Variants in COL27A1 observed in about 807,000 individuals in gnomAD.
COL27A1 encodes collagen alpha-1(XXVII) chain.
COL27A1 carries 106 observed loss-of-function variants against 251.3 expected under a neutral mutation model. The ratio of observed to expected loss-of-function variants is 0.42; its 90% CI spans 0.36 to 0.50. The LOEUF is 0.50. Among genes scored for constraint, COL27A1 ranks in the 20% least tolerant of loss-of-function variants. COL27A1 has a pLI of 0.00. For missense variants in COL27A1, 2,325 were observed against 2,522.8 expected (o/e 0.92, Z 1.68); for synonymous variants, 1,000 against 986.3 (o/e 1.01, Z -0.26).
Position 114,231,836 on chromosome 9 carries a change from C to A in COL27A1, c.2535C>A (p.Ser845Arg), listed in dbSNP as rs751042704. 28 of 1,614,018 alleles carry A rather than the reference C, an allele frequency of 1.7e-5. No homozygotes were observed. The highest frequency in any genetic ancestry group is 1.3e-4 in the South Asian group (12 of 91,082). The change falls in exon 16 of 61, where the codon AGC becomes AGA. Residue 845 changes from serine to arginine, a missense_variant. By Grantham distance (110) the Ser-to-Arg change is moderately radical. This residue lies in a region of COL27A1 where 1,183 missense variants were observed against 1,144.1 expected (regional missense o/e 1.03). Coordinates refer to ENST00000356083, the MANE Select transcript of COL27A1 (RefSeq NM_032888.4). ...GPKGMKGLMG[S>R]VGEPGLKGDK... ...TTGTCTTGCAGGGACTGATGGGCAG[C>A]GTGGGGGAGCCCGGACTGAAAGGTG...
At chr9:114,286,164 G>A (rs1261771150) in intron 41 of COL27A1, among the ~76,000 whole-genome samples, 1 of 152,158 alleles carries the variant, frequency 6.6e-6, no homozygotes, top group Non-Finnish European at 1.5e-5. Flanking sequence ...TCAAAAATAG[G>A]GCGAGTCCCA....
chr9:114,213,576 A>G (rs1456634790), intron 12 of COL27A1, among the ~76,000 whole-genome samples: 1 of 152,220 alleles, frequency 6.6e-6, no homozygotes, highest in Admixed American at 6.5e-5. Flanking sequence ...ATGAAGCTCA[A>G]ATTTTAAGGG....
intron 10 of COL27A1, among the ~76,000 whole-genome samples, chr9:114,207,911 G>A (rs564933390): frequency 1.3e-5 from 2 of 152,218 alleles, no homozygotes; most frequent in Admixed American, 6.5e-5. Flanking sequence ...GGATGCCAAC[G>A]AGGAGGCTCA....
intron 33 of COL27A1, among the ~76,000 whole-genome samples, chr9:114,267,049 C>G (rs1027370622): frequency 2.0e-5 from 3 of 152,162 alleles, no homozygotes; most frequent in Admixed American, 6.5e-5. Context: ...AAACCAAGCC[C>G]CAGGGTTTAT....
chr9:114,205,400 A>G (rs865948113), intron 8 of COL27A1, among the ~76,000 whole-genome samples: 7 of 152,372 alleles, frequency 4.6e-5, no homozygotes, highest in Middle Eastern at 3.4e-3. Context: ...TGGAGCCATG[A>G]ATAGCTGGCC....
rs774710723 is a variant in COL27A1 at position 114,250,685 on chromosome 9, G to A, written c.3033+17G>A. Reference sequence around the variant, plus strand: ...GGAGAAAAGGTAAGTGGTGTTGAGGGGAAAAGATAAACAATTAGAGCTTGT... The same window carrying A: ...GGAGAAAAGGTAAGTGGTGTTGAGGAGAAAAGATAAACAATTAGAGCTTGT... On this transcript the variant is annotated intron_variant, in intron 25 of 60. Coordinates refer to ENST00000356083, the MANE Select transcript of COL27A1 (RefSeq NM_032888.4). 3 of 1,608,826 alleles carry A rather than the reference G, an allele frequency of 1.9e-6. No homozygotes were observed. The highest frequency in any genetic ancestry group is 1.7e-4 in the Middle Eastern group (1 of 6,030).
intron 57 of COL27A1, 49 bp from the exon 58 acceptor site, chr9:114,306,471 G>T (rs184662987): frequency 1.6e-4 from 257 of 1,598,022 alleles, no homozygotes; most frequent in Non-Finnish European, 2.1e-4. Context: ...TGAACCCCAG[G>T]CTGGACCAGG....
At chr9:114,161,203 C>T (rs973668659) in intron 1 of COL27A1, among the ~76,000 whole-genome samples, 17 of 152,016 alleles carry the variant, frequency 1.1e-4, no homozygotes, top group Non-Finnish European at 2.5e-4. Flanking sequence ...AGCAGTATGT[C>T]CTTACTCAAC....
chr9:114,264,775 G>A, intron 29 of COL27A1, 149 bp from the exon 30 acceptor site: 1 of 800,208 alleles, frequency 1.2e-6, no homozygotes, highest in Non-Finnish European at 1.9e-6. Flanking sequence ...CCCTTGTCAG[G>A]CCTTAGTTTT....
At chr9:114,195,732 T>A (rs969065381) in intron 6 of COL27A1, among the ~76,000 whole-genome samples, 4 of 152,172 alleles carry the variant, frequency 2.6e-5, no homozygotes, top group Admixed American at 2.6e-4. Flanking sequence ...AAGCCCAGTA[T>A]GTAAAATAGA....
intron 24 of COL27A1, among the ~76,000 whole-genome samples, chr9:114,249,199 G>A (rs908009911): frequency 2.6e-5 from 4 of 152,176 alleles, no homozygotes; most frequent in Admixed American, 1.3e-4. Flanking sequence ...TGCTCAATAC[G>A]TTGAAGCCGT....
At position 114,310,529 on chromosome 9, in the gene COL27A1, A is replaced by G. The variant is rs755527134; in HGVS notation, c.5437-20A>G. Reference sequence around the variant, plus strand: ...AGAATCACGATGGATGTACGTGTGCACTTTTCCTTCTGCCTTCAGGTCCAA... The same window carrying G: ...AGAATCACGATGGATGTACGTGTGCGCTTTTCCTTCTGCCTTCAGGTCCAA... On this transcript the variant is annotated intron_variant, in intron 60 of 60. Transcript: ENST00000356083. The G allele has an allele frequency of 3.1e-6, 5 of 1,614,100 alleles. No homozygotes were observed. In the Admixed American group the frequency reaches 8.3e-5, roughly 27 times the overall value.
chr9:114,300,946 C>T, intron 51 of COL27A1, 126 bp from the exon 52 acceptor site: 1 of 965,908 alleles, frequency 1.0e-6, no homozygotes, highest in Non-Finnish European at 1.6e-6. Context: ...GATGCATGGC[C>T]TGGGCCCGCT....
Position 114,235,286 on chromosome 9 carries a change from A to G in COL27A1, c.2566-313A>G, listed in dbSNP as rs553706384. 1.4e-4 allele frequency among the ~76,000 whole-genome samples: 22 copies of G among 152,234 alleles called. No homozygotes were observed. The South Asian group carries it at 4.4e-3, about 30-fold the overall frequency. Reference sequence around the variant, plus strand: ...TGATGAAGAGGTTGAAGGATCAAACACTTGATTTGCTCTGCATCAGTTCTC... The same window carrying G: ...TGATGAAGAGGTTGAAGGATCAAACGCTTGATTTGCTCTGCATCAGTTCTC... On this transcript the variant is annotated intron_variant, in intron 16 of 60. Transcript: ENST00000356083.
chr9:114,194,367 T>A (rs777224579), intron 5 of COL27A1, 37 bp from the exon 6 acceptor site: 2 of 1,608,590 alleles, frequency 1.2e-6, no homozygotes, highest in Admixed American at 3.3e-5. Context: ...CCTTTCTAGA[T>A]GACTTGGTGG....
chr9:114,169,504 TG>T (rs747066055), intron 3 of COL27A1, 41 bp downstream of exon 3: 2 of 1,432,382 alleles, frequency 1.4e-6, no homozygotes, highest in East Asian at 4.6e-5. Flanking sequence ...GGAGCTCCAG[TG>T]GGGGACTGGG....
intron 16 of COL27A1, 52 bp downstream of exon 16, chr9:114,231,918 C>T (rs375611026): frequency 2.5e-6 from 4 of 1,573,256 alleles, no homozygotes; most frequent in East Asian, 2.2e-5. Flanking sequence ...TGCCACCCCC[C>T]TCTCCGCCCG....
chr9:114,210,928 T>C lies in COL27A1; in HGVS notation c.2323-54T>C, dbSNP rs908351129. ...GCTCTGGGCTGGTTTGGGGCAAGCC[T>C]GGCTGTCCCTGCTGGCATCCTGCCC... On this transcript the variant is annotated intron_variant, in intron 11 of 60. Coordinates refer to ENST00000356083, the MANE Select transcript of COL27A1 (RefSeq NM_032888.4). 13 of 1,598,716 alleles carry C rather than the reference T, an allele frequency of 8.1e-6. No homozygotes were observed. In the Admixed American group the frequency reaches 2.2e-4, roughly 27 times the overall value.
At chr9:114,287,116 C>T (rs1429955998) in intron 41 of COL27A1, among the ~76,000 whole-genome samples, 1 of 152,184 alleles carries the variant, frequency 6.6e-6, no homozygotes, top group African/African-American at 2.4e-5. Context: ...CCCTCTAGAC[C>T]TCAGGCCAAG....
Sources: gnomAD v4.1 joint callset for allele counts (sites outside exome capture counted in the v4.1 genomes callset) on GRCh38, gnomAD v4.1.1 for gene constraint, gnomAD v4.1.1 regional missense constraint, MANE v1.5 for transcripts, NCBI Gene and HGNC (gene_info 2026-07-23, HGNC 2026-07-21) for gene names.